Variants in CTNNA2 observed in about 807,000 individuals in gnomAD.
The protein encoded by CTNNA2 is catenin alpha 2, also known as catenin alpha-2.
CTNNA2 carries 42 observed loss-of-function variants against 101.0 expected under a neutral mutation model. That is an observed-to-expected ratio of 0.42 (90% CI 0.32 to 0.54). CTNNA2 has a LOEUF of 0.54. Ranked by LOEUF, CTNNA2 falls within the 20% of genes least tolerant of loss-of-function variation. The pLI is 0.14. For missense variants in CTNNA2, 871 were observed against 1,223.1 expected (o/e 0.71, Z 4.29); for synonymous variants, 450 against 456.4 (o/e 0.99, Z 0.18).
intron 15 of CTNNA2, among the ~76,000 whole-genome samples, chr2:80,596,947 T>A (rs1697038341): frequency 1.3e-5 from 2 of 152,218 alleles, no homozygotes; most frequent in Non-Finnish European, 1.5e-5. Context: ...GAAGGCCTTT[T>A]CTGCTTCTAT....
intron 18 of CTNNA2, among the ~76,000 whole-genome samples, chr2:80,621,121 A>C (rs1191534558): frequency 1.3e-5 from 2 of 151,812 alleles, no homozygotes. Flanking sequence ...TCTGCGCTTG[A>C]CTTGTTAGGT....
At chr2:80,061,167 T>C (rs900413537) in intron 7 of CTNNA2, among the ~76,000 whole-genome samples, 1 of 152,148 alleles carries the variant, frequency 6.6e-6, no homozygotes. Context: ...GAAAAAATAA[T>C]ATGTAATCAT....
chr2:79,687,946 A>T (rs1217861078), intron 2 of CTNNA2, among the ~76,000 whole-genome samples: 1 of 152,068 alleles, frequency 6.6e-6, no homozygotes, highest in Non-Finnish European at 1.5e-5. Context: ...GAGTGGGAAT[A>T]CAAAAGGACA....
At chr2:80,128,167 A>G (rs1364553444) in intron 7 of CTNNA2, among the ~76,000 whole-genome samples, 1 of 152,178 alleles carries the variant, frequency 6.6e-6, no homozygotes, top group African/African-American at 2.4e-5. Context: ...CACTGGCAGA[A>G]GTTGTGATTG....
chr2:79,503,539 A>T (rs1335286434), intron 4 of CTNNA2, among the ~76,000 whole-genome samples: 1 of 152,210 alleles, frequency 6.6e-6, no homozygotes. Context: ...CAGCTGCCTT[A>T]ACAGAAACAT....
At position 79,874,361 on chromosome 2, in the gene CTNNA2, TAC is replaced by T. The variant is rs767444481; in HGVS notation, c.852+23_852+24del. 6.2e-6 allele frequency: 10 copies of T among 1,608,956 alleles called. No homozygotes were observed. The South Asian group carries it at 9.9e-5, about 16-fold the overall frequency. On this transcript the variant is annotated intron_variant, in intron 6 of 18. Transcript: ENST00000402739. ...GTTTGACGTAAGCATCCTGGTGAGG[TAC>T]ACAGAGGGGTGGGCACTGGTGTTGA...
rs1260844316 is a variant in CTNNA2, at chr2:79,858,193, A to G, written c.465+14A>G. On this transcript the variant is annotated intron_variant, in intron 4 of 18. Coordinates refer to ENST00000402739, the MANE Select transcript of CTNNA2 (RefSeq NM_001282597.3). ...CATCTGAAAATTGTACGTATGTAGA[A>G]CTTATCAAAACTTTCTTTATGTGAG... The G allele has an allele frequency of 6.3e-7, 1 of 1,593,922 alleles. No homozygotes were observed. The highest frequency in any genetic ancestry group is 8.6e-7 in the Non-Finnish European group (1 of 1,162,894).
chr2:79,291,179 A>T (rs1020289019), intron 2 of CTNNA2, among the ~76,000 whole-genome samples: 1 of 152,208 alleles, frequency 6.6e-6, no homozygotes, highest in African/African-American at 2.4e-5. Flanking sequence ...TTAAACCATG[A>T]ATTCTTGATT....
chr2:80,523,315 G>A (rs1218135602), intron 9 of CTNNA2, among the ~76,000 whole-genome samples: 1 of 152,142 alleles, frequency 6.6e-6, no homozygotes, highest in Non-Finnish European at 1.5e-5. Flanking sequence ...GTCGGTCCCG[G>A]TGCATGGAGA....
Position 79,744,575 on chromosome 2 carries a change from C to G in CTNNA2, c.291C>G (p.Arg97=). ...TGGTGGCTGCTGTAGAGGATGTGCG[C>G]AAACAAGGTAGGCAGAATGATATTA... The part of the protein sequence containing the change: ...EELVAAVEDV[R]KQGETMRIAS... Residue 97 remains arginine, a synonymous_variant, in exon 3 of 19, where the codon CGC becomes CGG. Transcript: ENST00000402739. 6.2e-7 allele frequency: 1 copy of G among 1,613,364 alleles called. No individual in the cohort carries two copies. The highest frequency in any genetic ancestry group is 2.2e-5 in the East Asian group (1 of 44,850).
At chr2:80,320,575 T>A (rs1166196349) in intron 7 of CTNNA2, among the ~76,000 whole-genome samples, 1 of 152,202 alleles carries the variant, frequency 6.6e-6, no homozygotes, top group East Asian at 1.9e-4. Context: ...CATTTCTTGT[T>A]AAATATCAAG....
chr2:79,278,036 A>G (rs1675258987), intron 2 of CTNNA2, among the ~76,000 whole-genome samples: 1 of 152,150 alleles, frequency 6.6e-6, no homozygotes, highest in Admixed American at 6.6e-5. Flanking sequence ...CTTCTACAGC[A>G]TACTTAAGGG....
chr2:80,492,896 C>A (rs116219157), intron 9 of CTNNA2, among the ~76,000 whole-genome samples: 1 of 152,096 alleles, frequency 6.6e-6, no homozygotes, highest in Non-Finnish European at 1.5e-5. Flanking sequence ...ATTCCCTTGG[C>A]GGACTTCAGT....
chr2:80,146,611 C>T (rs780047302), intron 7 of CTNNA2, among the ~76,000 whole-genome samples: 51 of 151,396 alleles, frequency 3.4e-4, no homozygotes, highest in African/African-American at 1.1e-3. Context: ...ATTTGGACCA[C>T]GAGACTCTCA....
At chr2:79,989,915 G>A (rs1008425949) in intron 7 of CTNNA2, among the ~76,000 whole-genome samples, 1 of 152,150 alleles carries the variant, frequency 6.6e-6, no homozygotes, top group Non-Finnish European at 1.5e-5. Context: ...TGCCTTTGCT[G>A]AAATATAAAT....
At chr2:79,925,296 G>A (rs1686950624) in intron 7 of CTNNA2, among the ~76,000 whole-genome samples, 1 of 152,002 alleles carries the variant, frequency 6.6e-6, no homozygotes, top group South Asian at 2.1e-4. Flanking sequence ...GTGACCCAAT[G>A]ATTTGATTTA....
At chr2:79,534,392 G>A (rs1672927764) in intron 1 of CTNNA2, among the ~76,000 whole-genome samples, 1 of 152,006 alleles carries the variant, frequency 6.6e-6, no homozygotes, top group Non-Finnish European at 1.5e-5. Flanking sequence ...AGTGATTATG[G>A]CCATATTGTT....
chr2:79,953,239 C>G (rs1057004860), intron 7 of CTNNA2, among the ~76,000 whole-genome samples: 2 of 152,142 alleles, frequency 1.3e-5, no homozygotes, highest in Non-Finnish European at 2.9e-5. Flanking sequence ...ACCCTTCTTA[C>G]GTTTGGCACC....
chr2:80,410,940 A>G (rs975603576), intron 8 of CTNNA2, among the ~76,000 whole-genome samples: 1 of 152,224 alleles, frequency 6.6e-6, no homozygotes, highest in African/African-American at 2.4e-5. Context: ...AATGCAAATT[A>G]GAATGCTAGA....
Sources: gnomAD v4.1 joint callset for allele counts (sites outside exome capture counted in the v4.1 genomes callset) on GRCh38, gnomAD v4.1.1 for gene constraint, MANE v1.5 for transcripts, NCBI Gene and HGNC (gene_info 2026-07-23, HGNC 2026-07-21) for gene names.